The following DLC1 variants were observed in gnomAD, a reference collection of about 807,000 sequenced individuals.
The protein encoded by DLC1 is DLC1 Rho GTPase activating protein.
In DLC1, 54 loss-of-function variants were observed where a neutral mutation model predicts 140.3. The observed-to-expected ratio is 0.38, with a 90% CI of 0.31 to 0.48. The LOEUF (loss-of-function observed/expected upper bound fraction) is 0.48. Ranked by LOEUF, DLC1 falls within the 20% of genes least tolerant of loss-of-function variation. The pLI is 0.96. For synonymous variants in DLC1, 986 were observed against 728.1 expected (o/e 1.35, Z -5.70); for missense variants, 2,536 against 1,907.0 (o/e 1.33, Z -6.14).
At chr8:13,110,052 T>C (rs1276518138) in intron 7 of DLC1, among the ~76,000 whole-genome samples, 1 of 152,156 alleles carries the variant, frequency 6.6e-6, no homozygotes, top group African/African-American at 2.4e-5. Flanking sequence ...TGAGAAAAAT[T>C]AGAAAGGATG....
chr8:13,337,163 G>A (rs1833842135), intron 4 of DLC1, among the ~76,000 whole-genome samples: 1 of 152,076 alleles, frequency 6.6e-6, no homozygotes. Flanking sequence ...CTACAGTTTT[G>A]CTCTATTAAA....
chr8:13,415,632 C>G (rs1418402967), intron 2 of DLC1, among the ~76,000 whole-genome samples: 2 of 152,190 alleles, frequency 1.3e-5, no homozygotes, highest in Admixed American at 1.3e-4. Flanking sequence ...ATCACCTGAC[C>G]TCATGATCTG....
intron 2 of DLC1, among the ~76,000 whole-genome samples, chr8:13,404,166 G>A (rs940140844): frequency 1.3e-5 from 2 of 152,132 alleles, no homozygotes; most frequent in African/African-American, 2.4e-5. Flanking sequence ...ATAGGAAAAG[G>A]CACTGTTTGG....
Position 13,085,599 on chromosome 8 carries a change from T to G in DLC1, c.*212A>C. The stretch of plus-strand genomic sequence containing the variant: ...AAATTTTTTTTTTTTTTTTGCACAG[T>G]CTTACATATTCCAGTCAAGGTCTAT... On this transcript the variant is annotated 3_prime_UTR_variant, in exon 18 of 18. Coordinates refer to ENST00000276297, the MANE Select transcript of DLC1 (RefSeq NM_182643.3). 1.8e-6 allele frequency: 1 copy of G among 565,174 alleles called. No individual in the cohort carries two copies. The highest frequency in any genetic ancestry group is 2.8e-6 in the Non-Finnish European group (1 of 356,476). The allele number at this position is 565,174 out of a possible 1,614,324, so 35.0% of individuals were successfully genotyped here.
In DLC1 at chr8:13,085,798, G is replaced by C. The variant is rs762139265; in HGVS notation, c.*13C>G. On this transcript the variant is annotated 3_prime_UTR_variant, in exon 18 of 18. Coordinates refer to ENST00000276297, the MANE Select transcript of DLC1 (RefSeq NM_182643.3). ...ACACCATGGTGGTGGAAGCGGTTGC[G>C]TTGCTTCAGTGATCACCTAGATTTG... 5.0e-6 allele frequency: 8 copies of C among 1,614,010 alleles called. No homozygotes were observed. Among genetic ancestry groups the C allele is most frequent in the Non-Finnish European group, 6.8e-6 (8 of 1,179,968 alleles).
At chr8:13,207,447 C>T (rs887638863) in intron 5 of DLC1, among the ~76,000 whole-genome samples, 10 of 152,146 alleles carry the variant, frequency 6.6e-5, no homozygotes, top group African/African-American at 1.7e-4. Context: ...CAGTTTGAAT[C>T]GGTGTGCCTC....
chr8:13,335,494 A>T (rs891491212), intron 4 of DLC1, among the ~76,000 whole-genome samples: 3 of 152,198 alleles, frequency 2.0e-5, no homozygotes, highest in Non-Finnish European at 4.4e-5. Flanking sequence ...TCGTCAAGGC[A>T]CGAGACTTCC....
intron 10 of DLC1, chr8:13,095,813 T>G (rs902169227): frequency 6.5e-6 from 1 of 153,216 alleles, no homozygotes; most frequent in Non-Finnish European, 1.5e-5. Context: ...AGATAACACA[T>G]GATGGGAAAA....
At chr8:13,463,075 A>C (rs375575787) in intron 2 of DLC1, among the ~76,000 whole-genome samples, 1 of 151,380 alleles carries the variant, frequency 6.6e-6, no homozygotes, top group Admixed American at 6.6e-5. Context: ...ATAGTCTTAA[A>C]AAACAAACAA....
intron 5 of DLC1, among the ~76,000 whole-genome samples, chr8:13,180,622 T>A (rs938365898): frequency 6.6e-6 from 1 of 152,094 alleles, no homozygotes; most frequent in Non-Finnish European, 1.5e-5. Context: ...CAGTGCATCA[T>A]GTAGAACTGG....
At chr8:13,395,697 A>T (rs986872292) in intron 3 of DLC1, among the ~76,000 whole-genome samples, 1 of 152,178 alleles carries the variant, frequency 6.6e-6, no homozygotes, top group East Asian at 1.9e-4. Flanking sequence ...TTGGAAGGGT[A>T]CAAAAGACAT....
chr8:13,568,960 C>T (rs532511581), intron 1 of DLC1, among the ~76,000 whole-genome samples: 26 of 152,192 alleles, frequency 1.7e-4, no homozygotes, highest in African/African-American at 4.6e-4. Flanking sequence ...AGAAGTAAAG[C>T]TGGGGTTAGG....
chr8:13,121,037 T>A (rs150873741), intron 5 of DLC1, among the ~76,000 whole-genome samples: 10 of 152,306 alleles, frequency 6.6e-5, no homozygotes, highest in Middle Eastern at 3.4e-3. Context: ...TCCTCTCTTC[T>A]GTGATAATAT....
chr8:13,300,424 C>A lies in DLC1; in HGVS notation c.1348+4845G>T, dbSNP rs184746700. 4.3e-4 allele frequency among the ~76,000 whole-genome samples: 65 copies of A among 152,284 alleles called. 1 individual carries two copies. Among genetic ancestry groups the A allele is most frequent in the Middle Eastern group, 3.4e-3 (1 of 294 alleles). On this transcript the variant is annotated intron_variant, in intron 5 of 17. Transcript: ENST00000276297. ...AAATTTGCACATCCTGCACATGTAT[C>A]GCAGAACATCATAAAATAAAGTAAA...
chr8:13,567,576 A>G (rs1187814298), intron 1 of DLC1: 3 of 1,551,688 alleles, frequency 1.9e-6, no homozygotes, highest in Non-Finnish European at 2.6e-6. Context: ...AGCAACACAT[A>G]TCTTATCAGT....
chr8:13,324,524 G>A (rs755516628), intron 4 of DLC1, among the ~76,000 whole-genome samples: 2 of 128,856 alleles, frequency 1.6e-5, no homozygotes, highest in African/African-American at 3.0e-5. Context: ...CCCAGATCGC[G>A]CCACTGCACA....
rs139654886 is a variant in DLC1, at chr8:13,184,487, T to C, written c.1349-68830A>G. ...TGCTTTAAATGTGTGCCAGAGATTC[T>C]GGTACATTGTGTCTTTGTTCTCATT... On this transcript the variant is annotated intron_variant, in intron 5 of 17. Transcript: ENST00000276297. Among the ~76,000 whole-genome samples, 53 of 152,360 alleles carry C rather than the reference T, an allele frequency of 3.5e-4. No homozygotes were observed. The East Asian group carries it at 9.7e-3, about 28-fold the overall frequency.
At chr8:13,459,928 G>A (rs891407116) in intron 2 of DLC1, among the ~76,000 whole-genome samples, 1 of 152,030 alleles carries the variant, frequency 6.6e-6, no homozygotes, top group Non-Finnish European at 1.5e-5. Flanking sequence ...GCCCAATATC[G>A]CTTTGTGTGT....
At chr8:13,227,516 T>G (rs1828852656) in intron 5 of DLC1, among the ~76,000 whole-genome samples, 1 of 152,118 alleles carries the variant, frequency 6.6e-6, no homozygotes, top group African/African-American at 2.4e-5. Context: ...GCTTCACTGG[T>G]AGCTGAAAAT....
Sources: allele counts gnomAD v4.1 joint callset (sites outside exome capture counted in the v4.1 genomes callset), GRCh38; gene constraint gnomAD v4.1.1; transcripts MANE v1.5; gene names NCBI Gene and HGNC (gene_info 2026-07-23, HGNC 2026-07-21).